INTS4: variants seen among roughly 807,000 people sequenced by gnomAD.
INTS4 encodes MSTP093.
Under a neutral mutation model 119.5 loss-of-function variants are expected in INTS4, and 70 were observed. The observed-to-expected ratio is 0.59, with a 90% CI of 0.48 to 0.71. INTS4 has a LOEUF of 0.71. INTS4 is among the 30% of genes least tolerant of loss of function. The pLI, the probability that INTS4 is intolerant of heterozygous loss-of-function variation, is 0.00. For missense variants in INTS4, 867 were observed against 1,173.2 expected (o/e 0.74, Z 3.81); for synonymous variants, 316 against 419.6 (o/e 0.75, Z 3.02).
chr11:77,986,268 T>G (rs896832745), intron 2 of INTS4, among the ~76,000 whole-genome samples: 18 of 152,154 alleles, frequency 1.2e-4, no homozygotes, highest in Non-Finnish European at 2.5e-4. Flanking sequence ...ATCAGAGAAA[T>G]GCAAATCAAA....
intron 15 of INTS4, among the ~76,000 whole-genome samples, chr11:77,916,385 G>C (rs145140188): frequency 0.19 from 29,203 of 152,176 alleles, 2,849 homozygotes; most frequent in Middle Eastern, 0.23. Flanking sequence ...CTGTACTAAA[G>C]ACTGTAGGCA....
intron 5 of INTS4, 32 bp downstream of exon 5, chr11:77,960,921 T>A (rs756584910): frequency 6.4e-7 from 1 of 1,573,672 alleles, no homozygotes; most frequent in East Asian, 2.3e-5. Flanking sequence ...AAATGAACAC[T>A]AGCCCCAACT....
At chr11:77,922,158 G>A (rs1475666182) in intron 13 of INTS4, among the ~76,000 whole-genome samples, 198 bp downstream of exon 13, 1 of 151,382 alleles carries the variant, frequency 6.6e-6, no homozygotes, top group Non-Finnish European at 1.5e-5. Flanking sequence ...AACCCGGGAG[G>A]CAGAGGTTTC....
intron 10 of INTS4, among the ~76,000 whole-genome samples, chr11:77,932,930 G>C (rs1424989544): frequency 6.8e-6 from 1 of 147,540 alleles, no homozygotes; most frequent in Non-Finnish European, 1.5e-5. Context: ...ACTGAAGGTG[G>C]GGGGGCATCA....
intron 22 of INTS4, among the ~76,000 whole-genome samples, chr11:77,882,032 C>T (rs991147310): frequency 3.3e-5 from 5 of 152,076 alleles, no homozygotes; most frequent in African/African-American, 1.2e-4. Context: ...CTGCCTCAGC[C>T]TCCTGAGTAG....
intron 18 of INTS4, 145 bp from the exon 19 acceptor site, chr11:77,894,494 A>C: frequency 1.9e-6 from 1 of 538,612 alleles, no homozygotes; most frequent in South Asian, 2.5e-5. Context: ...GAAGACTCCT[A>C]ATGGACCTGG....
At chr11:77,989,908 A>C (rs1856600278) in intron 2 of INTS4, among the ~76,000 whole-genome samples, 1 of 152,060 alleles carries the variant, frequency 6.6e-6, no homozygotes, top group African/African-American at 2.4e-5. Flanking sequence ...CAAAAATAAT[A>C]ATAGTAATAA....
chr11:77,887,835 A>G (rs1478929209), intron 21 of INTS4, among the ~76,000 whole-genome samples: 1 of 152,256 alleles, frequency 6.6e-6, no homozygotes, highest in Non-Finnish European at 1.5e-5. Flanking sequence ...TGGTTCAAAA[A>G]GAATAAAATA....
At chr11:77,949,456 T>C (rs1954131998) in intron 8 of INTS4, among the ~76,000 whole-genome samples, 1 of 149,120 alleles carries the variant, frequency 6.7e-6, no homozygotes, top group Non-Finnish European at 1.5e-5. Flanking sequence ...AGAAAATTTT[T>C]GCAATCTATC....
At chr11:77,885,527 T>C (rs1182215528) in intron 21 of INTS4, among the ~76,000 whole-genome samples, 1 of 151,758 alleles carries the variant, frequency 6.6e-6, no homozygotes, top group Admixed American at 6.6e-5. Context: ...TTTTAGAAAA[T>C]GAAGGGGAGG....
chr11:77,936,780 G>A (rs1252073303), intron 10 of INTS4, among the ~76,000 whole-genome samples: 1 of 152,002 alleles, frequency 6.6e-6, no homozygotes, highest in Non-Finnish European at 1.5e-5. Context: ...AGGAAGGAAG[G>A]AAGGAAGAAT....
intron 2 of INTS4, among the ~76,000 whole-genome samples, chr11:77,982,230 A>C (rs1285772501): frequency 1.3e-5 from 2 of 149,112 alleles, no homozygotes; most frequent in East Asian, 4.0e-4. Flanking sequence ...TGACCTCCTG[A>C]GCTCAAGTGA....
chr11:77,896,568 C>T (rs1347415597), intron 18 of INTS4, among the ~76,000 whole-genome samples: 2 of 151,026 alleles, frequency 1.3e-5, no homozygotes, highest in African/African-American at 4.9e-5. Flanking sequence ...AGGAGAATCT[C>T]TTGAACCCGG....
intron 22 of INTS4, among the ~76,000 whole-genome samples, chr11:77,882,218 T>C (rs1235464601): frequency 6.6e-6 from 1 of 152,186 alleles, no homozygotes; most frequent in African/African-American, 2.4e-5. Context: ...TGTGATCTTG[T>C]ATAAGTTAAA....
intron 10 of INTS4, among the ~76,000 whole-genome samples, chr11:77,933,683 C>G (rs1407275052): frequency 6.6e-6 from 1 of 152,024 alleles, no homozygotes; most frequent in Non-Finnish European, 1.5e-5. Context: ...GCCTGGCCGC[C>G]CATCATCTGG....
intron 8 of INTS4, among the ~76,000 whole-genome samples, chr11:77,950,964 C>T (rs1261759383): frequency 6.7e-6 from 1 of 148,652 alleles, no homozygotes; most frequent in Non-Finnish European, 1.5e-5. Context: ...TGAGTGAGAA[C>T]AGGCGGTGTT....
In INTS4 at chr11:77,981,488, T is replaced by C. The variant is rs761028498; in HGVS notation, c.335A>G (p.Asp112Gly). Reference sequence around the variant, plus strand: ...ATTCTGCAGGATGTTGATGGCATCATCCATAATGCAGTCTGGTGAAAATCC... The same window carrying C: ...ATTCTGCAGGATGTTGATGGCATCACCCATAATGCAGTCTGGTGAAAATCC... ...TAGFSPDCIM[D>G]DAINILQNEK... The change falls in exon 3 of 23, where the codon GAT becomes GGT. Residue 112 changes from aspartate to glycine, a missense_variant. Transcript: ENST00000534064. 2 of 1,554,786 alleles carry C rather than the reference T, an allele frequency of 1.3e-6. No individual in the cohort carries two copies. Among genetic ancestry groups the C allele is most frequent in the South Asian group, 1.2e-5 (1 of 80,910 alleles).
intron 2 of INTS4, among the ~76,000 whole-genome samples, chr11:77,984,858 G>C (rs766704660): frequency 2.2e-5 from 3 of 138,478 alleles, no homozygotes; most frequent in African/African-American, 8.2e-5. Context: ...CCTGGAGTGA[G>C]ACCTTGTTAG....
Position 77,878,859 on chromosome 11 carries a change from C to T in INTS4, c.*90G>A. On this transcript the variant is annotated 3_prime_UTR_variant, in exon 23 of 23. Transcript: ENST00000534064. ...GGGTCACATACTCCTTAAGCCTACACATCAATTCCAGGTGAAGTGCTTCAG... is the reference window on the plus strand; with the variant it reads ...GGGTCACATACTCCTTAAGCCTACATATCAATTCCAGGTGAAGTGCTTCAG... 1.1e-6 allele frequency: 1 copy of T among 907,488 alleles called. No individual in the cohort carries two copies. Among genetic ancestry groups the T allele is most frequent in the East Asian group, 2.4e-5 (1 of 41,664 alleles). The allele number at this position is 907,488 out of a possible 1,614,324, so 56.2% of individuals were successfully genotyped here.
Sources: gnomAD v4.1 joint callset for allele counts (sites outside exome capture counted in the v4.1 genomes callset) on GRCh38, gnomAD v4.1.1 for gene constraint, MANE v1.5 for transcripts, NCBI Gene and HGNC (gene_info 2026-07-23, HGNC 2026-07-21) for gene names.